MTUS2: variants seen among roughly 807,000 people sequenced by gnomAD.
MTUS2 encodes microtubule associated scaffold protein 2, also known as microtubule-associated tumor suppressor candidate 2.
MTUS2 carries 40 observed loss-of-function variants against 114.1 expected under a neutral mutation model. That is an observed-to-expected ratio of 0.35 (90% confidence interval 0.27 to 0.46). The LOEUF is 0.46. Among genes scored for constraint, MTUS2 ranks in the 20% least tolerant of loss-of-function variants. MTUS2 has a pLI of 1.00. For missense variants in MTUS2, 1,679 were observed against 1,705.4 expected (o/e 0.98, Z 0.27); for synonymous variants, 688 against 672.0 (o/e 1.02, Z -0.37).
At chr13:28,961,550 A>G (rs553573566) in intron 2 of MTUS2, among the ~76,000 whole-genome samples, 1 of 152,266 alleles carries the variant, frequency 6.6e-6, no homozygotes, top group African/African-American at 2.4e-5. Context: ...ACAGCTTAAA[A>G]TTTTAAATGA....
At chr13:28,901,744 C>T (rs1879657643) in intron 2 of MTUS2, among the ~76,000 whole-genome samples, 1 of 152,166 alleles carries the variant, frequency 6.6e-6, no homozygotes, top group Non-Finnish European at 1.5e-5. Context: ...CAATACCATA[C>T]TATTTTGATT....
intron 2 of MTUS2, among the ~76,000 whole-genome samples, chr13:28,871,135 T>G (rs1206164412): frequency 6.6e-6 from 1 of 152,242 alleles, no homozygotes; most frequent in Non-Finnish European, 1.5e-5. Flanking sequence ...TCATGCCAGA[T>G]AAGTTAAATA....
chr13:29,167,231 C>T (rs773336148), intron 5 of MTUS2, among the ~76,000 whole-genome samples: 28 of 152,014 alleles, frequency 1.8e-4, no homozygotes, highest in African/African-American at 5.8e-4. Flanking sequence ...AAAAATTAGC[C>T]GGGTGTGGTT....
chr13:29,470,121 A>G (rs1278988538), intron 9 of MTUS2, among the ~76,000 whole-genome samples: 2 of 152,154 alleles, frequency 1.3e-5, no homozygotes, highest in African/African-American at 2.4e-5. Context: ...ACAGACCCTC[A>G]GGGAGAAAAA....
At chr13:28,986,331 C>T (rs886203311) in intron 2 of MTUS2, among the ~76,000 whole-genome samples, 3 of 152,222 alleles carry the variant, frequency 2.0e-5, no homozygotes, top group Non-Finnish European at 4.4e-5. Context: ...TTAACAGACA[C>T]AGGATGTAAG....
intron 2 of MTUS2, among the ~76,000 whole-genome samples, chr13:28,909,855 A>G (rs552576628): frequency 1.3e-5 from 2 of 152,346 alleles, no homozygotes; most frequent in East Asian, 1.9e-4. Flanking sequence ...ATCAGTGTGC[A>G]AAAATCACAG....
chr13:29,275,545 C>G (rs945711178), intron 5 of MTUS2, among the ~76,000 whole-genome samples: 3 of 152,242 alleles, frequency 2.0e-5, no homozygotes, highest in Middle Eastern at 3.4e-3. Context: ...CTTCTAATAA[C>G]CATCCTTGTA....
intron 6 of MTUS2, among the ~76,000 whole-genome samples, chr13:29,287,163 A>G (rs528473285): frequency 4.6e-5 from 7 of 152,346 alleles, no homozygotes; most frequent in African/African-American, 1.2e-4. Flanking sequence ...TGGATGTTGT[A>G]TATGTTCCCA....
chr13:28,927,970 A>G (rs1444690379), intron 2 of MTUS2, among the ~76,000 whole-genome samples: 3 of 152,200 alleles, frequency 2.0e-5, no homozygotes, highest in Non-Finnish European at 4.4e-5. Context: ...ACACCTTTAC[A>G]GCCAACTCGT....
intron 2 of MTUS2, among the ~76,000 whole-genome samples, chr13:28,844,924 T>C (rs370034094): frequency 1.3e-5 from 2 of 152,152 alleles, no homozygotes; most frequent in East Asian, 3.9e-4. Context: ...GCCAGCATTT[T>C]CTTTTTTAAA....
intron 6 of MTUS2, among the ~76,000 whole-genome samples, chr13:29,318,175 T>C (rs950841324): frequency 7.2e-5 from 11 of 152,160 alleles, no homozygotes; most frequent in Admixed American, 5.9e-4. Flanking sequence ...GTTTCTTATC[T>C]TTTCTTACTT....
intron 7 of MTUS2, among the ~76,000 whole-genome samples, chr13:29,333,897 A>AT (rs1456813171): frequency 1.3e-5 from 2 of 152,194 alleles, no homozygotes; most frequent in African/African-American, 4.8e-5. Context: ...TGTATTTAGA[A>AT]TGGTTAGATC....
Position 29,498,303 on chromosome 13 carries a change from T to G in MTUS2, c.3679-115T>G, listed in dbSNP as rs1369124502. The G allele has an allele frequency of 3.5e-6, 5 of 1,436,322 alleles. No individual in the cohort carries two copies. The East Asian group carries it at 1.2e-4, about 33-fold the overall frequency. 89.0% of individuals were successfully genotyped at this position (1,436,322 alleles called of 1,614,324 possible). A position where few individuals can be genotyped will look rare whatever the true frequency, so the allele number is the denominator to read the frequency against. ...GCATCCTCTCTCTTTGGTGTTGCAG[T>G]TGCCATCAGGGCGCTTGTCCCAGGA... On this transcript the variant is annotated intron_variant, in intron 13 of 15. Coordinates refer to ENST00000612955, the MANE Select transcript of MTUS2 (RefSeq NM_001033602.4).
intron 5 of MTUS2, among the ~76,000 whole-genome samples, chr13:29,252,817 C>T (rs1015175848): frequency 2.0e-5 from 3 of 152,106 alleles, no homozygotes; most frequent in South Asian, 2.1e-4. Context: ...CCCTCATTCT[C>T]TCTTGTCTAC....
At chr13:29,257,336 C>G (rs769495091) in intron 5 of MTUS2, among the ~76,000 whole-genome samples, 1 of 152,204 alleles carries the variant, frequency 6.6e-6, no homozygotes, top group Non-Finnish European at 1.5e-5. Flanking sequence ...GTGCAGAGGA[C>G]TTTGGTGCCT....
intron 12 of MTUS2, among the ~76,000 whole-genome samples, chr13:29,495,610 C>G (rs1192712618): frequency 1.3e-5 from 2 of 152,028 alleles, no homozygotes; most frequent in African/African-American, 4.8e-5. Flanking sequence ...GTGGCTCATG[C>G]CTGTAATCCC....
intron 2 of MTUS2, among the ~76,000 whole-genome samples, chr13:28,845,090 A>G (rs1277635311): frequency 6.6e-6 from 1 of 152,002 alleles, no homozygotes; most frequent in East Asian, 1.9e-4. Context: ...TGAAGCTAAG[A>G]CTATAGGCAA....
chr13:29,287,496 C>CCGTATGTGTGTG, intron 6 of MTUS2, among the ~76,000 whole-genome samples: 2 of 84,488 alleles, frequency 2.4e-5, no homozygotes, highest in Non-Finnish European at 2.4e-5. Flanking sequence ...TGACATCACT[C>CCGTATGTGTGTG]TGTATGTGTG....
intron 3 of MTUS2, among the ~76,000 whole-genome samples, chr13:29,031,952 AGTTT>A (rs1886849799): frequency 6.6e-6 from 1 of 151,972 alleles, no homozygotes; most frequent in Non-Finnish European, 1.5e-5. Context: ...TGACTTAACG[AGTTT>A]GTTTGAAATC....
Sources: allele counts gnomAD v4.1 joint callset (sites outside exome capture counted in the v4.1 genomes callset), GRCh38; gene constraint gnomAD v4.1.1; transcripts MANE v1.5; gene names NCBI Gene and HGNC (gene_info 2026-07-23, HGNC 2026-07-21).